GNAL: variants seen among roughly 807,000 people sequenced by gnomAD.
GNAL encodes the protein guanine nucleotide-binding protein G(olf) subunit alpha.
Under a neutral mutation model 55.1 loss-of-function variants are expected in GNAL, and 18 were observed. The ratio of observed to expected loss-of-function variants is 0.33; its 90% confidence interval spans 0.23 to 0.48. The LOEUF is 0.48. Among genes scored for constraint, GNAL ranks in the 20% least tolerant of loss-of-function variants. GNAL has a pLI of 0.99. For missense variants in GNAL, 412 were observed against 614.1 expected (o/e 0.67, Z 3.48); for synonymous variants, 253 against 237.0 (o/e 1.07, Z -0.62).
Position 11,884,668 on chromosome 18 carries a change from A to T in GNAL, c.*3533A>T. 1 of 1,582,338 alleles carries T rather than the reference A, an allele frequency of 6.3e-7. No individual in the cohort carries two copies. The highest frequency in any genetic ancestry group is 8.7e-7 in the Non-Finnish European group (1 of 1,153,236). On this transcript the variant is annotated 3_prime_UTR_variant, in exon 12 of 12. Transcript: ENST00000334049. ...GAAAGTTATGCTGAGAGCACCAGGC[A>T]CACGTTGAACACCGCAGTCTTAGAA...
rs934065626 is a variant in GNAL at position 11,856,013 on chromosome 18, G to A, written c.723-6382G>A. 2.0e-5 allele frequency among the ~76,000 whole-genome samples: 3 copies of A among 150,784 alleles called. No homozygotes were observed. In the South Asian group the frequency reaches 6.2e-4, roughly 31 times the overall value. On this transcript the variant is annotated intron_variant, in intron 5 of 11. Transcript: ENST00000334049. ...CTGAAAATAAGCACCAGTCTGATAA[G>A]AGAACCTTATTAACTGAGCATAGTA...
In GNAL at chr18:11,757,110, C is replaced by T. The variant is rs1372115395; in HGVS notation, c.624+3165C>T. Among the ~76,000 whole-genome samples, 4 of 152,142 alleles carry T rather than the reference C, an allele frequency of 2.6e-5. No individual in the cohort carries two copies. The East Asian group carries it at 7.7e-4, about 29-fold the overall frequency. On this transcript the variant is annotated intron_variant, in intron 4 of 11. Coordinates refer to ENST00000334049, the MANE Select transcript of GNAL (RefSeq NM_182978.4). ...TTGAGAATTTTCTCTGAGAATATTG[C>T]ACATGGGGGAAATACGGGTGGGTTG...
intron 4 of GNAL, among the ~76,000 whole-genome samples, chr18:11,822,505 G>A (rs371549759): frequency 2.6e-4 from 40 of 152,340 alleles, no homozygotes; most frequent in African/African-American, 7.9e-4. Flanking sequence ...TTGGGAGGCT[G>A]AGGCAGGAGG....
intron 5 of GNAL, among the ~76,000 whole-genome samples, chr18:11,840,100 G>A (rs911906113): frequency 6.6e-6 from 1 of 152,090 alleles, no homozygotes; most frequent in Non-Finnish European, 1.5e-5. Flanking sequence ...TTTGAACTAT[G>A]GCATTATTCT....
At position 11,884,011 on chromosome 18, in the gene GNAL, A is replaced by G. The variant is rs1245611918; in HGVS notation, c.*2876A>G. On this transcript the variant is annotated 3_prime_UTR_variant, in exon 12 of 12. Coordinates refer to ENST00000334049, the MANE Select transcript of GNAL (RefSeq NM_182978.4). The stretch of plus-strand genomic sequence containing the variant: ...CGGCCACATCTGTACTTTTAAGGGT[A>G]CAGCTTTACAGTACATAGGAATTTG... 6.3e-6 allele frequency: 1 copy of G among 158,120 alleles called. No individual in the cohort carries two copies. Among genetic ancestry groups the G allele is most frequent in the Non-Finnish European group, 1.4e-5 (1 of 71,604 alleles). The allele number at this position is 158,120 out of a possible 1,614,324, so 9.8% of individuals were successfully genotyped here.
chr18:11,719,505 G>A (rs912226470), intron 1 of GNAL, among the ~76,000 whole-genome samples: 4 of 152,208 alleles, frequency 2.6e-5, no homozygotes, highest in African/African-American at 9.7e-5. Context: ...GGGAAACTGA[G>A]ACCATCAGGC....
At chr18:11,823,470 A>G (rs1190244445) in intron 4 of GNAL, among the ~76,000 whole-genome samples, 2 of 152,188 alleles carry the variant, frequency 1.3e-5, no homozygotes, top group African/African-American at 2.4e-5. Context: ...TCTAAACGCT[A>G]ATAAAGCCTA....
chr18:11,813,037 C>T (rs1280636447), intron 4 of GNAL, among the ~76,000 whole-genome samples: 1 of 151,666 alleles, frequency 6.6e-6, no homozygotes, highest in East Asian at 1.9e-4. Context: ...AGGCAGATCA[C>T]GAGGTCAGGA....
chr18:11,697,343 G>T (rs766872659), intron 1 of GNAL, among the ~76,000 whole-genome samples: 57 of 152,120 alleles, frequency 3.7e-4, no homozygotes, highest in Non-Finnish European at 7.1e-4. Flanking sequence ...TTCGAGACCA[G>T]CCTGGCCAAC....
chr18:11,850,490 G>C lies in GNAL; in HGVS notation c.723-11905G>C, dbSNP rs187015406. Among the ~76,000 whole-genome samples the C allele has an allele frequency of 2.6e-5, 4 of 152,294 alleles. No individual in the cohort carries two copies. In the East Asian group the frequency reaches 7.7e-4, roughly 29 times the overall value. On this transcript the variant is annotated intron_variant, in intron 5 of 11. Coordinates refer to ENST00000334049, the MANE Select transcript of GNAL (RefSeq NM_182978.4). ...TGTATCGGAGGAATCTTTCTAAAGA[G>C]AAAAGTGACAGCACACATTGCTGCC...
At chr18:11,824,798 C>T in intron 4 of GNAL, 120 bp from the exon 5 acceptor site, 1 of 602,220 alleles carries the variant, frequency 1.7e-6, no homozygotes, top group Non-Finnish European at 2.9e-6. Context: ...TGCAGACTTC[C>T]ACAAAGAAAA....
intron 11 of GNAL, among the ~76,000 whole-genome samples, chr18:11,878,597 A>G (rs7239646): frequency 0.79 from 120,545 of 151,848 alleles, 48,081 homozygotes; most frequent in Middle Eastern, 0.82. Flanking sequence ...ACATTGCTTC[A>G]CACTGTCACC....
chr18:11,848,071 T>C (rs2035777125), intron 5 of GNAL, among the ~76,000 whole-genome samples: 1 of 152,128 alleles, frequency 6.6e-6, no homozygotes, highest in Non-Finnish European at 1.5e-5. Flanking sequence ...TTCAGTCACT[T>C]TGAGGAGTTG....
chr18:11,779,546 T>C (rs1486832821), intron 4 of GNAL, among the ~76,000 whole-genome samples: 1 of 152,138 alleles, frequency 6.6e-6, no homozygotes, highest in Non-Finnish European at 1.5e-5. Context: ...GTCCTTTCAG[T>C]TCACTCTGAC....
chr18:11,821,750 G>A (rs1349380830), intron 4 of GNAL, among the ~76,000 whole-genome samples: 1 of 152,216 alleles, frequency 6.6e-6, no homozygotes, highest in East Asian at 1.9e-4. Flanking sequence ...GTGGGGCGGT[G>A]ATACTGATAT....
chr18:11,739,639 C>CTT (rs879671877), intron 1 of GNAL, among the ~76,000 whole-genome samples: 1 of 144,666 alleles, frequency 6.9e-6, no homozygotes, highest in Non-Finnish European at 1.5e-5. Flanking sequence ...GGTCCCTTTC[C>CTT]TTTTTTTTTT....
chr18:11,881,199 A>G lies in GNAL; in HGVS notation c.*64A>G, dbSNP rs1002257294. The G allele has an allele frequency of 6.8e-7, 1 of 1,480,188 alleles. No individual in the cohort carries two copies. Among genetic ancestry groups the G allele is most frequent in the Non-Finnish European group, 9.2e-7 (1 of 1,091,118 alleles). The allele number at this position is 1,480,188 out of a possible 1,614,324, so 91.7% of individuals were successfully genotyped here. ...ACTGCCTGACTGCCAGCCCCATGCC[A>G]TGGTAGGAGGCAGAGTCTCTAGTTC... On this transcript the variant is annotated 3_prime_UTR_variant, in exon 12 of 12. Transcript: ENST00000334049. This position sits in a 1 kb window ranked among gnomAD's most constrained non-coding sequence, Gnocchi z 4.8.
chr18:11,813,396 A>G (rs112348201), intron 4 of GNAL, among the ~76,000 whole-genome samples: 25 of 152,234 alleles, frequency 1.6e-4, no homozygotes, highest in African/African-American at 6.0e-4. Flanking sequence ...AAATACCAAC[A>G]GGCTTTTTTA....
chr18:11,691,311 G>GT (rs2031240869), intron 1 of GNAL, among the ~76,000 whole-genome samples: 3 of 150,604 alleles, frequency 2.0e-5, no homozygotes, highest in South Asian at 4.2e-4. Flanking sequence ...GGGGTTGTTT[G>GT]TTTTTTTCTT....
Sources: gnomAD v4.1 joint callset for allele counts (sites outside exome capture counted in the v4.1 genomes callset) on GRCh38, gnomAD v4.1.1 for gene constraint, Gnocchi (gnomAD v3.1) non-coding constraint, MANE v1.5 for transcripts, NCBI Gene and HGNC (gene_info 2026-07-23, HGNC 2026-07-21) for gene names.